The following CDH20 variants were observed in gnomAD, a reference collection of about 807,000 sequenced individuals.
CDH20 encodes the protein cadherin-20.
In CDH20, 29 loss-of-function variants were observed where a neutral mutation model predicts 74.2. The ratio of observed to expected loss-of-function variants is 0.39; its 90% confidence interval spans 0.29 to 0.53. The LOEUF (loss-of-function observed/expected upper bound fraction) is 0.53, where lower values mean the gene tolerates loss of function less well. CDH20 is among the 20% of genes least tolerant of loss of function. The pLI is 0.69. For synonymous variants in CDH20, 469 were observed against 405.4 expected (o/e 1.16, Z -1.88); for missense variants, 988 against 1,048.3 (o/e 0.94, Z 0.79).
chr18:61,436,746 G>A (rs1027604392), intron 1 of CDH20, among the ~76,000 whole-genome samples: 2 of 152,096 alleles, frequency 1.3e-5, no homozygotes, highest in Non-Finnish European at 2.9e-5. Context: ...GTACCATGTG[G>A]GTACCTACCA....
intron 1 of CDH20, among the ~76,000 whole-genome samples, chr18:61,423,911 A>T (rs963641040): frequency 2.6e-5 from 4 of 152,184 alleles, no homozygotes; most frequent in African/African-American, 7.2e-5. Flanking sequence ...ATTTTCAAAG[A>T]TTTTAATCCT....
chr18:61,458,299 C>A (rs989460800), intron 1 of CDH20, among the ~76,000 whole-genome samples: 1 of 152,190 alleles, frequency 6.6e-6, no homozygotes, highest in Non-Finnish European at 1.5e-5. Context: ...TCTAAAAATC[C>A]TGTTCTAAAA....
At chr18:61,503,925 A>C (rs1485479761) in intron 5 of CDH20, among the ~76,000 whole-genome samples, 1 of 152,228 alleles carries the variant, frequency 6.6e-6, no homozygotes, top group East Asian at 1.9e-4. Flanking sequence ...ATTCATTCAA[A>C]AAATATTTAT....
At chr18:61,392,294 A>C (rs1278281334) in intron 1 of CDH20, among the ~76,000 whole-genome samples, 1 of 149,818 alleles carries the variant, frequency 6.7e-6, no homozygotes, top group African/African-American at 2.5e-5. Flanking sequence ...CTAGACCTTT[A>C]TGCACTCAGC....
intron 1 of CDH20, among the ~76,000 whole-genome samples, chr18:61,354,139 C>T (rs1910411816): frequency 6.6e-6 from 1 of 152,312 alleles, no homozygotes; most frequent in Middle Eastern, 3.4e-3. Flanking sequence ...CCATTCAGGG[C>T]TGTTAACTCC....
intron 1 of CDH20, among the ~76,000 whole-genome samples, chr18:61,402,824 C>T (rs1238779232): frequency 6.6e-6 from 1 of 152,138 alleles, no homozygotes; most frequent in African/African-American, 2.4e-5. Context: ...CATTTTTTTA[C>T]ACCAGAAAAG....
At chr18:61,458,652 T>C (rs907557872) in intron 1 of CDH20, among the ~76,000 whole-genome samples, 2 of 152,168 alleles carry the variant, frequency 1.3e-5, no homozygotes, top group African/African-American at 4.8e-5. Context: ...GAACAGACGC[T>C]AAAGGGCCCT....
intron 7 of CDH20, among the ~76,000 whole-genome samples, chr18:61,532,845 T>C (rs1912694243): frequency 6.6e-6 from 1 of 152,194 alleles, no homozygotes; most frequent in South Asian, 2.1e-4. Context: ...CCCAATATAT[T>C]TCCCAGTCCC....
At chr18:61,544,816 T>C (rs1913175111) in intron 9 of CDH20, among the ~76,000 whole-genome samples, 1 of 152,110 alleles carries the variant, frequency 6.6e-6, no homozygotes, top group Non-Finnish European at 1.5e-5. Context: ...CTATTCTCAC[T>C]TAGATCCGTG....
chr18:61,395,462 C>T (rs757970386), intron 1 of CDH20, among the ~76,000 whole-genome samples: 46 of 152,166 alleles, frequency 3.0e-4, no homozygotes, highest in Non-Finnish European at 5.9e-4. Flanking sequence ...GCCTTCCATA[C>T]ATGTGTGGAT....
At chr18:61,339,719 G>A (rs1049889002) in intron 1 of CDH20, among the ~76,000 whole-genome samples, 27 of 123,178 alleles carry the variant, frequency 2.2e-4, no homozygotes, top group African/African-American at 8.5e-4. Flanking sequence ...ATGGAGTCTC[G>A]CTCTGTCGCC....
At chr18:61,389,547 A>G (rs1911702887) in intron 1 of CDH20, among the ~76,000 whole-genome samples, 2 of 152,228 alleles carry the variant, frequency 1.3e-5, no homozygotes, top group African/African-American at 4.8e-5. Flanking sequence ...AGTGTCATAT[A>G]TGTCCCAGAC....
intron 1 of CDH20, among the ~76,000 whole-genome samples, chr18:61,354,047 A>C (rs942126244): frequency 1.3e-5 from 2 of 151,202 alleles, no homozygotes; most frequent in African/African-American, 4.8e-5. Flanking sequence ...CTGTCAAAAA[A>C]AAAAAAAGAA....
chr18:61,417,578 T>TAAAAAAAAAAAAAAAAAAAAAAAAAAAAA (rs545256689), intron 1 of CDH20, among the ~76,000 whole-genome samples: 2 of 62,362 alleles, frequency 3.2e-5, no homozygotes, highest in African/African-American at 1.6e-4. Context: ...ATGTGGGAGC[T>TAAAAAAAAAAAAAAAAAAAAAAAAAAAAA]AAAAAAAAAA....
At chr18:61,545,474 C>T (rs2144404823) in intron 10 of CDH20, among the ~76,000 whole-genome samples, 1 of 152,182 alleles carries the variant, frequency 6.6e-6, no homozygotes, top group Non-Finnish European at 1.5e-5. Context: ...AACTCTAAAA[C>T]TCATTCAGTC....
chr18:61,435,585 G>A (rs1908804192), intron 1 of CDH20, among the ~76,000 whole-genome samples: 1 of 152,046 alleles, frequency 6.6e-6, no homozygotes, highest in African/African-American at 2.4e-5. Context: ...GGAAATGCAG[G>A]AGGGATGCCA....
intron 1 of CDH20, among the ~76,000 whole-genome samples, chr18:61,351,703 T>C: frequency 6.6e-6 from 1 of 152,176 alleles, no homozygotes; most frequent in Admixed American, 6.5e-5. Context: ...ACCTTTGGGA[T>C]GCCTAAATCT....
At chr18:61,538,132 T>C (rs1912875853) in intron 8 of CDH20, among the ~76,000 whole-genome samples, 2 of 152,220 alleles carry the variant, frequency 1.3e-5, no homozygotes, top group South Asian at 4.1e-4. Context: ...AATATCCTGT[T>C]AGTCCCTAAG....
intron 1 of CDH20, among the ~76,000 whole-genome samples, chr18:61,447,892 G>T (rs1233804137): frequency 6.6e-6 from 1 of 152,056 alleles, no homozygotes; most frequent in Admixed American, 6.5e-5. Flanking sequence ...GCTTGCTCCT[G>T]CCACTGCAAC....
Sources: gnomAD v4.1 joint callset for allele counts (sites outside exome capture counted in the v4.1 genomes callset) on GRCh38, gnomAD v4.1.1 for gene constraint, MANE v1.5 for transcripts, NCBI Gene and HGNC (gene_info 2026-07-23, HGNC 2026-07-21) for gene names.